DDAH1: variants seen among roughly 807,000 people sequenced by gnomAD.
DDAH1 encodes the protein dimethylarginine dimethylaminohydrolase 1, also known as N(G),N(G)-dimethylarginine dimethylaminohydrolase 1.
In DDAH1, 19 loss-of-function variants were observed where a neutral mutation model predicts 28.8. That is an observed-to-expected ratio of 0.66 (90% CI 0.46 to 0.97). The LOEUF is 0.97. DDAH1 is among the 50% of genes least tolerant of loss of function. The pLI, the probability that DDAH1 is intolerant of heterozygous loss-of-function variation, is 0.00. For synonymous variants in DDAH1, 153 were observed against 154.4 expected, an observed-to-expected ratio of 0.99 and a Z score of 0.07; for missense variants, 326 against 375.9, an observed-to-expected ratio of 0.87 and a Z score of 1.10.
chr1:85,531,506 A>G (rs1375718986), intron 1 of DDAH1, among the ~76,000 whole-genome samples: 1 of 152,208 alleles, frequency 6.6e-6, no homozygotes, highest in Admixed American at 6.5e-5. Context: ...CCTACCATTT[A>G]TTATACATTT....
intron 1 of DDAH1, among the ~76,000 whole-genome samples, chr1:85,373,555 T>G (rs1557542245): frequency 6.6e-6 from 1 of 152,130 alleles, no homozygotes; most frequent in Non-Finnish European, 1.5e-5. Context: ...ACTCTCTCTC[T>G]TTCCTGTTAC....
chr1:85,321,976 C>T lies in DDAH1; in HGVS notation c.742-408G>A, dbSNP rs770955553. Among the ~76,000 whole-genome samples the T allele has an allele frequency of 2.0e-4, 31 of 152,112 alleles. 1 individual carries two copies. The highest frequency in any genetic ancestry group is 6.3e-3 in the Middle Eastern group (2 of 316). On this transcript the variant is annotated intron_variant, in intron 5 of 5. Coordinates refer to ENST00000284031, the MANE Select transcript of DDAH1 (RefSeq NM_012137.4). ...TCGTCCAGGTTGGTGTACAGTGGCG[C>T]GACCATGGCTCACTGCAGCCTCAAC...
intron 1 of DDAH1, among the ~76,000 whole-genome samples, chr1:85,423,999 C>T (rs1653272145): frequency 6.6e-6 from 1 of 152,068 alleles, no homozygotes; most frequent in African/African-American, 2.4e-5. Context: ...CTTCTTTAGC[C>T]TGTTGATGTG....
At chr1:85,509,508 G>T (rs929932072) in intron 1 of DDAH1, among the ~76,000 whole-genome samples, 2 of 152,300 alleles carry the variant, frequency 1.3e-5, no homozygotes, top group African/African-American at 4.8e-5. Flanking sequence ...GACAGAAGTA[G>T]GCTTCAGAAG....
rs527390598 is a variant in DDAH1, at chr1:85,319,810, A to G, written c.*1642T>C. On this transcript the variant is annotated 3_prime_UTR_variant, in exon 6 of 6. Coordinates refer to ENST00000284031, the MANE Select transcript of DDAH1 (RefSeq NM_012137.4). ...TTTTGCAAATTTCTGACATAAAATA[A>G]TCAAATAAAAGGGAAAGATAGTGGT... 1 of 151,740 alleles carries G rather than the reference A, an allele frequency of 6.6e-6. No homozygotes were observed. Among genetic ancestry groups the G allele is most frequent in the South Asian group, 2.1e-4 (1 of 4,820 alleles). The allele number at this position is 151,740 out of a possible 1,614,324, so 9.4% of individuals were successfully genotyped here.
intron 1 of DDAH1, chr1:85,399,212 A>G (rs1230981737): frequency 1.3e-5 from 2 of 152,234 alleles, no homozygotes. Context: ...TTTGATAGTC[A>G]TAATAGTAGT....
At chr1:85,499,259 T>C (rs987662995) in intron 1 of DDAH1, among the ~76,000 whole-genome samples, 7 of 152,216 alleles carry the variant, frequency 4.6e-5, no homozygotes, top group Admixed American at 3.3e-4. Context: ...CTTTTTACTA[T>C]ACCACAATAA....
intron 1 of DDAH1, among the ~76,000 whole-genome samples, chr1:85,394,925 T>A (rs1024816805): frequency 1.3e-5 from 2 of 152,212 alleles, no homozygotes; most frequent in Admixed American, 1.3e-4. Flanking sequence ...CTTTGTCATC[T>A]TGTGTTGTTA....
intron 1 of DDAH1, among the ~76,000 whole-genome samples, chr1:85,449,865 G>C (rs1419733165): frequency 2.0e-5 from 3 of 152,152 alleles, no homozygotes; most frequent in Non-Finnish European, 4.4e-5. Context: ...ACAGGGTCAA[G>C]AAGTCAGAGC....
chr1:85,406,792 G>A (rs1219692952), intron 1 of DDAH1, among the ~76,000 whole-genome samples: 1 of 151,860 alleles, frequency 6.6e-6, no homozygotes, highest in African/African-American at 2.4e-5. Context: ...CATTCATAAA[G>A]GGCAAGCTGA....
chr1:85,424,791 A>G (rs989612044), intron 1 of DDAH1, among the ~76,000 whole-genome samples: 2 of 152,074 alleles, frequency 1.3e-5, no homozygotes, highest in African/African-American at 2.4e-5. Context: ...CAATGAGTAT[A>G]TATTTATTAG....
chr1:85,513,880 T>C (rs1657346338), intron 1 of DDAH1, among the ~76,000 whole-genome samples: 1 of 152,144 alleles, frequency 6.6e-6, no homozygotes, highest in African/African-American at 2.4e-5. Context: ...TGTGGAGAAA[T>C]AGGAATGCTT....
intron 2 of DDAH1, among the ~76,000 whole-genome samples, chr1:85,479,159 CTTTTTTTTTTT>C (rs35629726): frequency 2.5e-5 from 2 of 78,618 alleles, no homozygotes; most frequent in African/African-American, 4.6e-5. Context: ...TTCTGTTTTT[CTTTTTTTTTTT>C]TTTTTTTTTT....
chr1:85,564,388 A>G (rs1329806142), intron 1 of DDAH1, among the ~76,000 whole-genome samples: 2 of 152,168 alleles, frequency 1.3e-5, no homozygotes, highest in Non-Finnish European at 2.9e-5. Context: ...GAATGACCTA[A>G]TACATATGTA....
chr1:85,419,862 G>C (rs1274275679), intron 1 of DDAH1, among the ~76,000 whole-genome samples: 3 of 152,112 alleles, frequency 2.0e-5, no homozygotes, highest in Non-Finnish European at 4.4e-5. Flanking sequence ...GTTTTCAGGA[G>C]AGCTGATTTT....
chr1:85,348,681 T>TA (rs1293031914), intron 4 of DDAH1, among the ~76,000 whole-genome samples: 2 of 152,258 alleles, frequency 1.3e-5, no homozygotes, highest in African/African-American at 4.8e-5. Flanking sequence ...TTTCTCTGAA[T>TA]ATCTAGGCCT....
intron 1 of DDAH1, among the ~76,000 whole-genome samples, chr1:85,545,977 A>C (rs1658610873): frequency 6.6e-6 from 1 of 152,116 alleles, no homozygotes; most frequent in African/African-American, 2.4e-5. Context: ...TATTTGTATC[A>C]ATGTTCCTGC....
chr1:85,489,126 C>A (rs1220157786), intron 2 of DDAH1, among the ~76,000 whole-genome samples: 1 of 152,128 alleles, frequency 6.6e-6, no homozygotes, highest in Non-Finnish European at 1.5e-5. Context: ...AATGTTAGCA[C>A]AGAAGATTTA....
intron 1 of DDAH1, among the ~76,000 whole-genome samples, chr1:85,418,510 T>A (rs1351078445): frequency 1.3e-5 from 2 of 152,204 alleles, no homozygotes; most frequent in African/African-American, 4.8e-5. Context: ...TGATCTAAAC[T>A]CTGGTGCAAC....
Sources: gnomAD v4.1 joint callset for allele counts (sites outside exome capture counted in the v4.1 genomes callset) on GRCh38, gnomAD v4.1.1 for gene constraint, MANE v1.5 for transcripts, NCBI Gene and HGNC (gene_info 2026-07-23, HGNC 2026-07-21) for gene names.